The following MFSD6 variants were observed in gnomAD, a reference collection of about 807,000 sequenced individuals.
MFSD6 encodes major facilitator superfamily domain containing 6.
Under a neutral mutation model 56.3 loss-of-function variants are expected in MFSD6, and 26 were observed. That is an observed-to-expected ratio of 0.46 (90% CI 0.34 to 0.64). MFSD6 has a LOEUF of 0.64. MFSD6 is among the 30% of genes least tolerant of loss of function. The probability of loss-of-function intolerance (pLI) is 0.01; values close to 1 mark genes in which losing one functional copy is unlikely to be tolerated. For missense variants in MFSD6, 750 were observed against 986.2 expected (o/e 0.76, Z 3.21); for synonymous variants, 331 against 366.9 (o/e 0.90, Z 1.12).
rs991150723 is a variant in MFSD6 at position 190,459,979 on chromosome 2, T to G, written c.1533-9779T>G. Among the ~76,000 whole-genome samples the G allele has an allele frequency of 1.3e-5, 2 of 152,252 alleles. No homozygotes were observed. The highest frequency in any genetic ancestry group is 2.4e-5 in the African/African-American group (1 of 41,478). ...TCAGTGGCCAGTCATACCTGCTGGC[T>G]GATAGAAGCTTGGTGGCTCCCAGGA... On this transcript the variant is annotated intron_variant, in intron 3 of 7. Transcript: ENST00000392328. The surrounding 1 kb of genome is among the most constrained non-coding windows in gnomAD (Gnocchi z 5.3).
chr2:190,492,723 A>C lies in MFSD6; in HGVS notation c.1891+2857A>C, dbSNP rs79455719. ...TAAGCTTCATAAATAAAGGAAAGAT[A>C]CAGTCTTTTTCAGACAAACAAATGC... On this transcript the variant is annotated intron_variant, in intron 6 of 7. Coordinates refer to ENST00000392328, the MANE Select transcript of MFSD6 (RefSeq NM_017694.4). The surrounding 1 kb of genome is among the most constrained non-coding windows in gnomAD (Gnocchi z 5.2). Among the ~76,000 whole-genome samples the C allele has an allele frequency of 1.3e-3, 202 of 152,148 alleles. 1 individual carries two copies. Among genetic ancestry groups the C allele is most frequent in the African/African-American group, 4.6e-3 (192 of 41,434 alleles).
rs1373650602 is a variant in MFSD6, at chr2:190,418,860, A to G, written c.-54+3447A>G. ...CTGCTAGTAGCAGCTCTGGGGAGCT[A>G]GTAGCAGCTCTGGGGAGCCCGTGGG... On this transcript the variant is annotated intron_variant, in intron 2 of 7. Transcript: ENST00000392328. The surrounding 1 kb of genome is among the most constrained non-coding windows in gnomAD (Gnocchi z 4.1). Among the ~76,000 whole-genome samples, 1 of 152,200 alleles carries G rather than the reference A, an allele frequency of 6.6e-6. No homozygotes were observed. Among genetic ancestry groups the G allele is most frequent in the Non-Finnish European group, 1.5e-5 (1 of 68,038 alleles).
In MFSD6 at chr2:190,437,967, T is replaced by C. The variant is rs185996819; in HGVS notation, c.1532+406T>C. Reference sequence around the variant, plus strand: ...TAGATAAAGTGGACTTTTTTAAGCCTTTATTCTCAGCCACTTGCTGACATA... The same window carrying C: ...TAGATAAAGTGGACTTTTTTAAGCCCTTATTCTCAGCCACTTGCTGACATA... On this transcript the variant is annotated intron_variant, in intron 3 of 7. Coordinates refer to ENST00000392328, the MANE Select transcript of MFSD6 (RefSeq NM_017694.4). This position sits in a 1 kb window ranked among gnomAD's most constrained non-coding sequence, Gnocchi z 5.9. 1.4e-3 allele frequency among the ~76,000 whole-genome samples: 210 copies of C among 152,274 alleles called. No homozygotes were observed. Among genetic ancestry groups the C allele is most frequent in the African/African-American group, 4.6e-3 (193 of 41,512 alleles).
chr2:190,474,567 A>G (rs1688166450), intron 4 of MFSD6, among the ~76,000 whole-genome samples: 2 of 152,234 alleles, frequency 1.3e-5, no homozygotes, highest in Non-Finnish European at 1.5e-5. Context: ...AATTGAGGCA[A>G]TAATTAATAG....
At chr2:190,452,203 C>T (rs571935929) in intron 3 of MFSD6, among the ~76,000 whole-genome samples, 3 of 151,974 alleles carry the variant, frequency 2.0e-5, no homozygotes, top group Non-Finnish European at 4.4e-5. Flanking sequence ...TGCAGTGAGC[C>T]GAGATTGCGC....
rs1264628293 is a variant in MFSD6 at position 190,431,007 on chromosome 2, C to T, written c.-53-4970C>T. 2.7e-5 allele frequency among the ~76,000 whole-genome samples: 3 copies of T among 110,922 alleles called. No individual in the cohort carries two copies. Among genetic ancestry groups the T allele is most frequent in the Middle Eastern group, 6.4e-3 (1 of 156 alleles). The allele number at this position is 110,922 out of a possible 152,430, so 72.8% of individuals were successfully genotyped here. On this transcript the variant is annotated intron_variant, in intron 2 of 7. Transcript: ENST00000392328. This position sits in a 1 kb window ranked among gnomAD's most constrained non-coding sequence, Gnocchi z 4.4. The stretch of plus-strand genomic sequence containing the variant: ...CTCAGATGGGGCAGCTGGGCAGAGA[C>T]GCTCCTCACCTCCCAGACGGGGTCG...
At chr2:190,449,757 C>T (rs955339195) in intron 3 of MFSD6, among the ~76,000 whole-genome samples, 57 of 151,978 alleles carry the variant, frequency 3.8e-4, no homozygotes, top group African/African-American at 1.4e-3. Context: ...AGTAAACTAT[C>T]GCAAGAACAA....
intron 4 of MFSD6, among the ~76,000 whole-genome samples, chr2:190,484,217 A>G (rs1688877908): frequency 6.6e-6 from 1 of 152,216 alleles, no homozygotes; most frequent in East Asian, 1.9e-4. Context: ...TACTGTTGTC[A>G]GTCAGGGAGT....
rs927627559 is a variant in MFSD6 at position 190,502,261 on chromosome 2, T to A, written c.*2043T>A. ...TGGACTTTGTGACTTTTTCTTCCTG[T>A]CCCCAAAGTGCCATATGCTACCTTA... is the stretch of plus-strand genomic sequence containing the variant. On this transcript the variant is annotated 3_prime_UTR_variant, in exon 8 of 8. Coordinates refer to ENST00000392328, the MANE Select transcript of MFSD6 (RefSeq NM_017694.4). The surrounding 1 kb of genome is among the most constrained non-coding windows in gnomAD (Gnocchi z 4.4). 4 of 152,176 alleles carry A rather than the reference T, an allele frequency of 2.6e-5. No homozygotes were observed. The highest frequency in any genetic ancestry group is 9.7e-5 in the African/African-American group (4 of 41,438). 9.4% of individuals were successfully genotyped at this position (152,176 alleles called of 1,614,324 possible).
At chr2:190,448,067 T>G (rs145187071) in intron 3 of MFSD6, among the ~76,000 whole-genome samples, 143 of 152,316 alleles carry the variant, frequency 9.4e-4, no homozygotes, top group African/African-American at 3.3e-3. Flanking sequence ...TTGAGGTACT[T>G]GCTGAGTTAA....
intron 4 of MFSD6, among the ~76,000 whole-genome samples, chr2:190,482,453 C>T (rs1452554596): frequency 6.7e-6 from 1 of 148,180 alleles, no homozygotes; most frequent in Non-Finnish European, 1.5e-5. Flanking sequence ...TTGGTCTATT[C>T]ATGGGAAAGG....
Position 190,423,755 on chromosome 2 carries a change from A to C in MFSD6, c.-54+8342A>C, listed in dbSNP as rs1305978954. Among the ~76,000 whole-genome samples the C allele has an allele frequency of 6.6e-6, 1 of 152,196 alleles. No individual in the cohort carries two copies. Among genetic ancestry groups the C allele is most frequent in the Non-Finnish European group, 1.5e-5 (1 of 68,022 alleles). The stretch of plus-strand genomic sequence containing the variant: ...GGTGTACCATTTTAAATCCCCACCC[A>C]CAGTATATGAGTAATTTGGTAGTTG... On this transcript the variant is annotated intron_variant, in intron 2 of 7. Coordinates refer to ENST00000392328, the MANE Select transcript of MFSD6 (RefSeq NM_017694.4). This position sits in a 1 kb window ranked among gnomAD's most constrained non-coding sequence, Gnocchi z 4.3.
chr2:190,432,182 T>A (rs561894015), intron 2 of MFSD6, among the ~76,000 whole-genome samples: 1 of 152,324 alleles, frequency 6.6e-6, no homozygotes, highest in Admixed American at 6.5e-5. Flanking sequence ...TATAAGCATC[T>A]AGAAGTCATT....
At position 190,471,931 on chromosome 2, in the gene MFSD6, C is replaced by T. The variant is rs1014617494; in HGVS notation, c.1630+2076C>T. ...ATCAGGCAGCAATATTTGCTGTTCACCAATATCCGCTGTTCTGCAGCTTTC... is the reference window on the plus strand; with the variant it reads ...ATCAGGCAGCAATATTTGCTGTTCATCAATATCCGCTGTTCTGCAGCTTTC... On this transcript the variant is annotated intron_variant, in intron 4 of 7. Transcript: ENST00000392328. This position sits in a 1 kb window ranked among gnomAD's most constrained non-coding sequence, Gnocchi z 4.7. Among the ~76,000 whole-genome samples the T allele has an allele frequency of 1.3e-5, 2 of 152,194 alleles. No individual in the cohort carries two copies. Among genetic ancestry groups the T allele is most frequent in the African/African-American group, 4.8e-5 (2 of 41,442 alleles).
At chr2:190,479,184 C>A (rs1688518441) in intron 4 of MFSD6, among the ~76,000 whole-genome samples, 1 of 152,176 alleles carries the variant, frequency 6.6e-6, no homozygotes, top group African/African-American at 2.4e-5. Flanking sequence ...CAAGGTAAGA[C>A]TACTGGATGC....
chr2:190,444,947 C>A, intron 3 of MFSD6: 3 of 660,554 alleles, frequency 4.5e-6, no homozygotes, highest in Non-Finnish European at 5.6e-6. Flanking sequence ...TTAACTGTAG[C>A]ATACTGGGTA....
chr2:190,441,535 G>A (rs1686377928), intron 3 of MFSD6, among the ~76,000 whole-genome samples: 1 of 152,058 alleles, frequency 6.6e-6, no homozygotes, highest in Non-Finnish European at 1.5e-5. Context: ...AGCTCATGCA[G>A]CATGTTTGTG....
rs1449976540 is a variant in MFSD6 at position 190,492,666 on chromosome 2, T to C, written c.1891+2800T>C. Among the ~76,000 whole-genome samples the C allele has an allele frequency of 6.6e-6, 1 of 152,026 alleles. No homozygotes were observed. The highest frequency in any genetic ancestry group is 2.4e-5 in the African/African-American group (1 of 41,388). On this transcript the variant is annotated intron_variant, in intron 6 of 7. Coordinates refer to ENST00000392328, the MANE Select transcript of MFSD6 (RefSeq NM_017694.4). The surrounding 1 kb of genome is among the most constrained non-coding windows in gnomAD (Gnocchi z 5.2). ...AGGCAATGCTAACAAAACAAAACAA[T>C]TACCAGCCAAGAATTTTGTATCCAG...
rs1472123880 is a variant in MFSD6 at position 190,459,799 on chromosome 2, G to C, written c.1533-9959G>C. 2.6e-5 allele frequency among the ~76,000 whole-genome samples: 4 copies of C among 152,216 alleles called. No homozygotes were observed. Among genetic ancestry groups the C allele is most frequent in the Non-Finnish European group, 4.4e-5 (3 of 68,036 alleles). ...AACAAAATGATTTCCAGCTAGTAGAGACTCAGACCCAAATTACTTTTACCT... is the reference window on the plus strand; with the variant it reads ...AACAAAATGATTTCCAGCTAGTAGACACTCAGACCCAAATTACTTTTACCT... On this transcript the variant is annotated intron_variant, in intron 3 of 7. Coordinates refer to ENST00000392328, the MANE Select transcript of MFSD6 (RefSeq NM_017694.4). The surrounding 1 kb of genome is among the most constrained non-coding windows in gnomAD (Gnocchi z 5.3).
Sources: allele counts gnomAD v4.1 joint callset (sites outside exome capture counted in the v4.1 genomes callset), GRCh38; gene constraint gnomAD v4.1.1; non-coding constraint Gnocchi (gnomAD v3.1); transcripts MANE v1.5; gene names NCBI Gene and HGNC (gene_info 2026-07-23, HGNC 2026-07-21).